ITGA9: variants seen among roughly 807,000 people sequenced by gnomAD.
The protein encoded by ITGA9 is integrin subunit alpha 9.
In ITGA9, 56 loss-of-function variants were observed where a neutral mutation model predicts 127.8. The ratio of observed to expected loss-of-function variants is 0.44; its 90% CI spans 0.35 to 0.55. The LOEUF (loss-of-function observed/expected upper bound fraction) is 0.55, where lower values mean the gene tolerates loss of function less well. Among genes scored for constraint, ITGA9 ranks in the 20% least tolerant of loss-of-function variants. The pLI is 0.00. For missense variants in ITGA9, 1,196 were observed against 1,347.1 expected, an observed-to-expected ratio of 0.89 and a Z score of 1.76; for synonymous variants, 508 against 514.5, an observed-to-expected ratio of 0.99 and a Z score of 0.17.
intron 23 of ITGA9, among the ~76,000 whole-genome samples, chr3:37,753,084 A>G (rs1414128452): frequency 2.0e-5 from 3 of 152,182 alleles, no homozygotes; most frequent in Non-Finnish European, 4.4e-5. Flanking sequence ...AAAAAAAAGG[A>G]AACAGGTCAC....
intron 15 of ITGA9, among the ~76,000 whole-genome samples, chr3:37,556,830 C>T (rs545629494): frequency 1.3e-5 from 2 of 152,330 alleles, no homozygotes; most frequent in East Asian, 1.9e-4. Flanking sequence ...ACCGTGAGAG[C>T]GAGTGCTCCT....
In ITGA9 at chr3:37,503,218, C is replaced by G; in HGVS notation, c.653C>G (p.Ala218Gly). 6.2e-7 allele frequency: 1 copy of G among 1,613,970 alleles called. No homozygotes were observed. Among genetic ancestry groups the G allele is most frequent in the Non-Finnish European group, 8.5e-7 (1 of 1,179,950 alleles). Residue 218 changes from alanine (A) to glycine (G), a missense_variant, in exon 6 of 28, where the codon GCT (alanine) becomes GGT (glycine). Transcript: ENST00000264741. ...VMGAPGSFYW[A>G]GTIKVLNLTD... is the part of the protein sequence containing the mutation. ...GGTGCTCCAGGGTCATTTTATTGGG[C>G]TGGAACCATCAAAGTGCTGAACCTT...
At chr3:37,508,955 A>C (rs552803658) in intron 8 of ITGA9, among the ~76,000 whole-genome samples, 70 of 152,244 alleles carry the variant, frequency 4.6e-4, no homozygotes, top group Non-Finnish European at 7.9e-4. Context: ...TTTCTCAACG[A>C]ATCTCCACCT....
intron 4 of ITGA9, among the ~76,000 whole-genome samples, chr3:37,490,975 C>CCCTTTTTTT (rs548395527): frequency 9.5e-6 from 1 of 105,104 alleles, no homozygotes; most frequent in Non-Finnish European, 2.0e-5. Context: ...TTCCCCCCCG[C>CCCTTTTTTT]TTTTTTTTTT....
chr3:37,808,833 A>G (rs1697331257), intron 27 of ITGA9: 2 of 152,172 alleles, frequency 1.3e-5, no homozygotes, highest in African/African-American at 4.8e-5. Flanking sequence ...GGGCCTCTCC[A>G]TGTGGTTCTT....
At chr3:37,776,363 A>C (rs539866860) in intron 23 of ITGA9, among the ~76,000 whole-genome samples, 3 of 152,332 alleles carry the variant, frequency 2.0e-5, no homozygotes, top group Non-Finnish European at 2.9e-5. Context: ...AACAGCAAAA[A>C]AAGTTTTTGT....
chr3:37,736,506 A>G (rs960689147), intron 19 of ITGA9, among the ~76,000 whole-genome samples: 14 of 152,252 alleles, frequency 9.2e-5, no homozygotes, highest in African/African-American at 3.4e-4. Context: ...TGACAGTGAT[A>G]TAAATTGTTC....
At chr3:37,540,731 T>G (rs893863208) in intron 14 of ITGA9, among the ~76,000 whole-genome samples, 2 of 152,234 alleles carry the variant, frequency 1.3e-5, no homozygotes, top group African/African-American at 4.8e-5. Flanking sequence ...AGTCTGAATC[T>G]ACCCTTTTCT....
chr3:37,548,697 T>C (rs1699351073), intron 15 of ITGA9, among the ~76,000 whole-genome samples: 1 of 152,194 alleles, frequency 6.6e-6, no homozygotes, highest in South Asian at 2.1e-4. Context: ...ATCCATAGTA[T>C]CCTGGCTGAG....
At chr3:37,653,873 C>G in intron 17 of ITGA9, 83 bp downstream of exon 17, 1 of 966,516 alleles carries the variant, frequency 1.0e-6, no homozygotes, top group South Asian at 1.3e-5. Context: ...TGCAGATTTC[C>G]CCACTGAAGA....
chr3:37,748,267 C>A, intron 22 of ITGA9: 3 of 503,884 alleles, frequency 6.0e-6, no homozygotes, highest in South Asian at 1.6e-5. Context: ...AAAAGGAAGG[C>A]CCCGCAAGTA....
chr3:37,545,905 C>G (rs900546499), intron 15 of ITGA9, among the ~76,000 whole-genome samples: 2 of 152,240 alleles, frequency 1.3e-5, no homozygotes, highest in Admixed American at 1.3e-4. Flanking sequence ...GGAACCTGCT[C>G]CTTACACTTC....
At chr3:37,584,830 G>T (rs1169655570) in intron 15 of ITGA9, among the ~76,000 whole-genome samples, 1 of 151,980 alleles carries the variant, frequency 6.6e-6, no homozygotes, top group African/African-American at 2.4e-5. Flanking sequence ...CCATAAGGTT[G>T]GGCATACAGC....
intron 24 of ITGA9, 80 bp from the exon 25 acceptor site, chr3:37,779,822 G>C: frequency 7.2e-7 from 1 of 1,394,332 alleles, no homozygotes; most frequent in East Asian, 2.3e-5. Flanking sequence ...CAAGTTCATG[G>C]AGCCCACTAC....
intron 15 of ITGA9, among the ~76,000 whole-genome samples, chr3:37,593,399 C>A (rs192089521): frequency 3.9e-5 from 6 of 152,326 alleles, no homozygotes; most frequent in Non-Finnish European, 7.3e-5. Flanking sequence ...AGAGGGCTGA[C>A]TATCCCATAA....
At chr3:37,736,821 G>A (rs1424441168) in intron 19 of ITGA9, 83 bp from the exon 20 acceptor site, 3 of 893,238 alleles carry the variant, frequency 3.4e-6, no homozygotes, top group African/African-American at 1.6e-5. Flanking sequence ...AGCTTCCAGA[G>A]GTCATAAACT....
intron 18 of ITGA9, among the ~76,000 whole-genome samples, chr3:37,729,918 G>T (rs1172103235): frequency 6.6e-6 from 1 of 151,984 alleles, no homozygotes; most frequent in East Asian, 1.9e-4. Flanking sequence ...TGGCCAGGAT[G>T]GTCTCAATTT....
intron 4 of ITGA9, among the ~76,000 whole-genome samples, chr3:37,491,620 G>C (rs760783209): frequency 1.2e-4 from 19 of 152,180 alleles, no homozygotes; most frequent in Non-Finnish European, 2.6e-4. Context: ...GTGTGACCCA[G>C]GCTTGTTGGG....
intron 1 of ITGA9, among the ~76,000 whole-genome samples, chr3:37,461,528 A>T (rs1382407623): frequency 1.3e-5 from 2 of 152,234 alleles, no homozygotes; most frequent in African/African-American, 4.8e-5. Flanking sequence ...GATCTGATTT[A>T]TGAAACCAAT....
Sources: allele counts gnomAD v4.1 joint callset (sites outside exome capture counted in the v4.1 genomes callset), GRCh38; gene constraint gnomAD v4.1.1; transcripts MANE v1.5; gene names NCBI Gene and HGNC (gene_info 2026-07-23, HGNC 2026-07-21).